Variants in DENND2B observed in about 807,000 individuals in gnomAD.
DENND2B encodes DENN domain containing 2B.
DENND2B carries 32 observed loss-of-function variants against 116.0 expected under a neutral mutation model. The observed-to-expected ratio is 0.28, with a 90% CI of 0.21 to 0.37. The LOEUF is 0.37. Ranked by LOEUF, DENND2B falls within the 10% of genes least tolerant of loss-of-function variation. DENND2B has a pLI of 1.00. For synonymous variants in DENND2B, 588 were observed against 583.9 expected, an observed-to-expected ratio of 1.01 and a Z score of -0.10; for missense variants, 1,276 against 1,477.7, an observed-to-expected ratio of 0.86 and a Z score of 2.24.
chr11:8,903,966 A>G (rs1321471632), intron 1 of DENND2B, among the ~76,000 whole-genome samples: 1 of 151,942 alleles, frequency 6.6e-6, no homozygotes, highest in Non-Finnish European at 1.5e-5. Flanking sequence ...TGAATTAGTA[A>G]TTAAAAATCT....
chr11:8,723,085 C>A (rs755767392), intron 4 of DENND2B, among the ~76,000 whole-genome samples: 3 of 152,108 alleles, frequency 2.0e-5, no homozygotes, highest in Non-Finnish European at 4.4e-5. Flanking sequence ...TGCCCCACCC[C>A]CTCCCTACCT....
chr11:8,907,902 A>G (rs1388030874), intron 1 of DENND2B, among the ~76,000 whole-genome samples: 2 of 152,098 alleles, frequency 1.3e-5, no homozygotes, highest in Non-Finnish European at 2.9e-5. Flanking sequence ...GGGTCTCACT[A>G]TGTTGCCCAG....
intron 1 of DENND2B, among the ~76,000 whole-genome samples, chr11:8,895,347 G>T (rs1354730146): frequency 6.6e-6 from 1 of 152,118 alleles, no homozygotes; most frequent in Non-Finnish European, 1.5e-5. Context: ...GTATACATAT[G>T]TAACAAACCT....
chr11:8,878,807 A>G (rs1407019873), intron 2 of DENND2B, among the ~76,000 whole-genome samples: 2 of 152,236 alleles, frequency 1.3e-5, no homozygotes, highest in African/African-American at 4.8e-5. Context: ...GAAAGAAGCC[A>G]GACCCAGAAA....
Position 8,779,780 on chromosome 11 carries a change from G to A in DENND2B, c.-25-29055C>T, listed in dbSNP as rs568497468. ...CCGCCCCGCCTCAGCCTCCCGAAGT[G>A]CTCGGATTACAGGCGTGAGCCACCA... On this transcript the variant is annotated intron_variant, in intron 1 of 19. Coordinates refer to ENST00000313726, the MANE Select transcript of DENND2B (RefSeq NM_213618.2). 8.9e-4 allele frequency among the ~76,000 whole-genome samples: 135 copies of A among 152,246 alleles called. 1 individual carries two copies. The highest frequency in any genetic ancestry group is 3.0e-3 in the African/African-American group (125 of 41,546).
At chr11:8,751,226 G>C (rs1308161700) in intron 1 of DENND2B, among the ~76,000 whole-genome samples, 4 of 151,970 alleles carry the variant, frequency 2.6e-5, no homozygotes, top group Non-Finnish European at 4.4e-5. Flanking sequence ...ATCTAGTGGG[G>C]AGGTGGAGAA....
intron 1 of DENND2B, among the ~76,000 whole-genome samples, chr11:8,801,994 GGAAA>G (rs1593911310): frequency 1.7e-5 from 2 of 121,146 alleles, no homozygotes; most frequent in East Asian, 2.5e-4. Flanking sequence ...CCTCTCTTGG[GGAAA>G]AAAAAAAAAA....
At chr11:8,718,229 G>A (rs1592658931) in intron 4 of DENND2B, 1 of 913,856 alleles carries the variant, frequency 1.1e-6, no homozygotes. Context: ...CCAGCAACAA[G>A]AGTCTTTCCT....
At chr11:8,900,728 A>G (rs1288459477) in intron 1 of DENND2B, among the ~76,000 whole-genome samples, 1 of 151,444 alleles carries the variant, frequency 6.6e-6, no homozygotes, top group African/African-American at 2.4e-5. Context: ...GCACTTTGGG[A>G]GGCCGAGGTG....
At chr11:8,858,247 T>C (rs10840135) in intron 2 of DENND2B, among the ~76,000 whole-genome samples, 41,333 of 152,048 alleles carry the variant, frequency 0.27, 5,920 homozygotes, top group East Asian at 0.54. Flanking sequence ...ACCTTCCATG[T>C]CCTATTCTAA....
chr11:8,841,927 G>T (rs551732288), intron 3 of DENND2B, among the ~76,000 whole-genome samples: 2 of 152,250 alleles, frequency 1.3e-5, no homozygotes, highest in South Asian at 4.2e-4. Context: ...CAGTTAGCTG[G>T]ATACCATGAG....
chr11:8,718,732 G>C, intron 4 of DENND2B: 1 of 1,102,230 alleles, frequency 9.1e-7, no homozygotes. Context: ...TAAAATCTCT[G>C]GCAGCGGGCA....
chr11:8,724,729 C>T (rs1245483720), intron 4 of DENND2B, among the ~76,000 whole-genome samples: 1 of 152,206 alleles, frequency 6.6e-6, no homozygotes, highest in Non-Finnish European at 1.5e-5. Flanking sequence ...CAGTTCCAGA[C>T]TGTATTTTAA....
chr11:8,776,647 A>C (rs2057766287), intron 1 of DENND2B: 1 of 192,042 alleles, frequency 5.2e-6, no homozygotes, highest in South Asian at 1.1e-4. Context: ...TCAACCTTTC[A>C]AAGAAGCCAC....
At chr11:8,704,267 G>C (rs549926415) in intron 13 of DENND2B, among the ~76,000 whole-genome samples, 6 of 152,222 alleles carry the variant, frequency 3.9e-5, no homozygotes, top group Non-Finnish European at 8.8e-5. Flanking sequence ...AAGCTCATGT[G>C]GGTGGGGAGA....
At chr11:8,741,798 A>G (rs1297550149) in intron 2 of DENND2B, among the ~76,000 whole-genome samples, 1 of 152,200 alleles carries the variant, frequency 6.6e-6, no homozygotes. Flanking sequence ...GTAAAGCCCC[A>G]GCAACAGCTA....
At chr11:8,822,949 T>C (rs941356761) in intron 4 of DENND2B, among the ~76,000 whole-genome samples, 2 of 152,204 alleles carry the variant, frequency 1.3e-5, no homozygotes, top group African/African-American at 4.8e-5. Flanking sequence ...GAAGGAAGTA[T>C]TGATCCCTGG....
Position 8,702,813 on chromosome 11 carries a change from C to T in DENND2B, c.2572-93G>A. ...AAGCAACTGGAGCTGCTTTCCCCTT[C>T]CAACCTGCTCTTTTCCAGGTCTCTC... is the stretch of plus-strand genomic sequence containing the variant. On this transcript the variant is annotated intron_variant, in intron 13 of 19. Coordinates refer to ENST00000313726, the MANE Select transcript of DENND2B (RefSeq NM_213618.2). This position sits in a 1 kb window ranked among gnomAD's most constrained non-coding sequence, Gnocchi z 4.6. The T allele has an allele frequency of 6.7e-7, 1 of 1,491,322 alleles. No individual in the cohort carries two copies. Among genetic ancestry groups the T allele is most frequent in the Non-Finnish European group, 9.1e-7 (1 of 1,102,910 alleles). 92.4% of individuals were successfully genotyped at this position (1,491,322 alleles called of 1,614,324 possible). A position where few individuals can be genotyped will look rare whatever the true frequency, so the allele number is the denominator to read the frequency against.
chr11:8,737,710 CCTTT>C (rs1273040771), intron 2 of DENND2B, among the ~76,000 whole-genome samples: 4 of 151,730 alleles, frequency 2.6e-5, no homozygotes, highest in Non-Finnish European at 5.9e-5. Context: ...CTCCCTCCCT[CCTTT>C]CTTTTCTTTC....
Sources: allele counts gnomAD v4.1 joint callset (sites outside exome capture counted in the v4.1 genomes callset), GRCh38; gene constraint gnomAD v4.1.1; non-coding constraint Gnocchi (gnomAD v3.1); transcripts MANE v1.5; gene names NCBI Gene and HGNC (gene_info 2026-07-23, HGNC 2026-07-21).